TMEM107: variants seen among roughly 807,000 people sequenced by gnomAD.
The protein encoded by TMEM107 is transmembrane protein 107.
TMEM107 carries 18 observed loss-of-function variants against 16.8 expected under a neutral mutation model. The ratio of observed to expected loss-of-function variants is 1.07; its 90% CI spans 0.74 to 1.59. The LOEUF is 1.59. TMEM107 is among the 40% of genes most tolerant of loss of function. The pLI, the probability that TMEM107 is intolerant of heterozygous loss-of-function variation, is 0.00. For missense variants in TMEM107, 152 were observed against 175.4 expected (o/e 0.87, Z 0.75); for synonymous variants, 68 against 71.6 (o/e 0.95, Z 0.25).
rs913206709 is a variant in TMEM107, at chr17:8,174,451, T to C, written c.353+69A>G. 22 of 1,495,294 alleles carry C rather than the reference T, an allele frequency of 1.5e-5. No individual in the cohort carries two copies. In the African/African-American group the frequency reaches 2.6e-4, roughly 18 times the overall value. The allele number at this position is 1,495,294 out of a possible 1,614,324, so 92.6% of individuals were successfully genotyped here. A position where few individuals can be genotyped will look rare whatever the true frequency, so the allele number is the denominator to read the frequency against. On this transcript the variant is annotated intron_variant, in intron 4 of 4. Transcript: ENST00000437139. ...CTCACACATGGAGGAAAGGGCTGGG[T>C]AGGGGAAAAACCTTCAGGTTTAGGG... is the stretch of plus-strand genomic sequence containing the variant.
rs777322429 is a variant in TMEM107, at chr17:8,175,979, C to T, written c.135G>A (p.Glu45=). 5.6e-6 allele frequency: 9 copies of T among 1,614,262 alleles called. No homozygotes were observed. In the South Asian group the frequency reaches 9.9e-5, roughly 18 times the overall value. ...ACLPLTFTPE[E]YDKQDIQLVA... Reference sequence around the variant, plus strand: ...CTCACTGAATGTCCTGCTTGTCATACTCCTCGGGGGTGAACGTGAGAGGCA... The same window carrying T: ...CTCACTGAATGTCCTGCTTGTCATATTCCTCGGGGGTGAACGTGAGAGGCA... The change falls in exon 2 of 5, where the codon GAG becomes GAA. Residue 45 remains glutamate, a synonymous_variant. Transcript: ENST00000437139.
chr17:8,176,150 C>T, intron 1 of TMEM107, 50 bp downstream of exon 1: 1 of 1,603,200 alleles, frequency 6.2e-7, no homozygotes, highest in Non-Finnish European at 8.5e-7. Context: ...AGGACTAGGA[C>T]CACTCAGAGA....
Position 8,176,380 on chromosome 17 carries a change from C to G in TMEM107, c.-94G>C. On this transcript the variant is annotated 5_prime_UTR_variant, in exon 1 of 5. Transcript: ENST00000437139. Reference sequence around the variant, plus strand: ...CCGCAAGCCGACAAATCTAGACGAACGCCTCCTTCCCGCCCGCTCAGGCAC... The same window carrying G: ...CCGCAAGCCGACAAATCTAGACGAAGGCCTCCTTCCCGCCCGCTCAGGCAC... 1 of 984,822 alleles carries G rather than the reference C, an allele frequency of 1.0e-6. No homozygotes were observed. Among genetic ancestry groups the G allele is most frequent in the Middle Eastern group, 3.3e-4 (1 of 3,072 alleles). 61.0% of individuals were successfully genotyped at this position (984,822 alleles called of 1,614,324 possible).
At chr17:8,175,367 T>C (rs1451860626) in intron 3 of TMEM107, 2 of 389,730 alleles carry the variant, frequency 5.1e-6, no homozygotes, top group Non-Finnish European at 4.8e-6. Flanking sequence ...GCGCCCTGCC[T>C]GTGCTTTCTA....
Position 8,173,376 on chromosome 17 carries a change from C to A in TMEM107, c.*827G>T. ...CAAAATAGACAAACAGCAAGGTTAT[C>A]CCAGTCAGAACTTCATAGCTATGTT... On this transcript the variant is annotated 3_prime_UTR_variant, in exon 5 of 5. Coordinates refer to ENST00000437139, the MANE Select transcript of TMEM107 (RefSeq NM_183065.4). The A allele has an allele frequency of 1.5e-6, 1 of 669,704 alleles. No homozygotes were observed. Among genetic ancestry groups the A allele is most frequent in the Non-Finnish European group, 2.8e-6 (1 of 361,920 alleles). 41.5% of individuals were successfully genotyped at this position (669,704 alleles called of 1,614,324 possible).
chr17:8,173,688 G>T lies in TMEM107; in HGVS notation c.*515C>A. 1.6e-6 allele frequency: 1 copy of T among 623,590 alleles called. No individual in the cohort carries two copies. Among genetic ancestry groups the T allele is most frequent in the South Asian group, 1.9e-5 (1 of 51,912 alleles). 38.6% of individuals were successfully genotyped at this position (623,590 alleles called of 1,614,324 possible). A position where few individuals can be genotyped will look rare whatever the true frequency, so the allele number is the denominator to read the frequency against. ...GGTATGAGCAATCCTATTATTTAGC[G>T]TCCTTCCAGTTGTTTTGCCATATTA... On this transcript the variant is annotated 3_prime_UTR_variant, in exon 5 of 5. Transcript: ENST00000437139.
At position 8,172,806 on chromosome 17, in the gene TMEM107, C is replaced by T. The variant is rs1567547610; in HGVS notation, c.*1397G>A. Among the ~76,000 whole-genome samples, 1 of 147,856 alleles carries T rather than the reference C, an allele frequency of 6.8e-6. No individual in the cohort carries two copies. The highest frequency in any genetic ancestry group is 1.5e-5 in the Non-Finnish European group (1 of 67,356). On this transcript the variant is annotated 3_prime_UTR_variant, in exon 5 of 5. Coordinates refer to ENST00000437139, the MANE Select transcript of TMEM107 (RefSeq NM_183065.4). ...TTTGAGGCTGCAGTGAGCCATGATC[C>T]CACCACTGCACACTGCACTCTAGCC...
At chr17:8,174,423 T>C in intron 4 of TMEM107, 97 bp downstream of exon 4, 1 of 1,347,596 alleles carries the variant, frequency 7.4e-7, no homozygotes, top group Non-Finnish European at 1.1e-6. Flanking sequence ...GTGGATCTGG[T>C]ATCTCACACA....
Position 8,175,861 on chromosome 17 carries a change from C to T in TMEM107, c.156-4G>A, listed in dbSNP as rs201719110. 3.8e-4 allele frequency: 611 copies of T among 1,614,176 alleles called. 10 individuals carry two copies. In the East Asian group the frequency reaches 0.013, roughly 36 times the overall value. ...GACAGAGAGCGCGGCCACCAGCCTG[C>T]AGAGAGGAAGTGGACTGGCCCAGGC... On this transcript the variant is annotated splice_region_variant and splice_polypyrimidine_tract_variant and intron_variant, in intron 2 of 4. Transcript: ENST00000437139.
chr17:8,174,271 C>G lies in TMEM107; in HGVS notation c.355G>C (p.Ala119Pro). 1 of 1,613,990 alleles carries G rather than the reference C, an allele frequency of 6.2e-7. No homozygotes were observed. The highest frequency in any genetic ancestry group is 8.5e-7 in the Non-Finnish European group (1 of 1,179,838). ...GCCATTTCAGTGACAGCTGGAAGGG[C>G]ACTACCAAGGCAAGTGGTAGATTCA... ...TYWYIFVFCS[A>P]LPAVTEMALF... Residue 119 changes from alanine (A) to proline (P), a missense_variant and splice_region_variant, in exon 5 of 5, where the codon GCC (alanine) becomes CCC (proline). Physicochemically the swap from Ala to Pro is conservative, Grantham distance 27. Coordinates refer to ENST00000437139, the MANE Select transcript of TMEM107 (RefSeq NM_183065.4).
At position 8,173,562 on chromosome 17, in the gene TMEM107, C is replaced by A. The variant is rs185052658; in HGVS notation, c.*641G>T. 9.1e-6 allele frequency: 7 copies of A among 765,192 alleles called. No individual in the cohort carries two copies. The highest frequency in any genetic ancestry group is 1.7e-5 in the Admixed American group (1 of 58,984). The allele number at this position is 765,192 out of a possible 1,614,324, so 47.4% of individuals were successfully genotyped here. On this transcript the variant is annotated 3_prime_UTR_variant, in exon 5 of 5. Transcript: ENST00000437139. ...TCTAATCTGCCCTCCGGAGGAGGAA[C>A]AGGTAAGGATTATCCCACCTGACGA...
At position 8,176,320 on chromosome 17, in the gene TMEM107, C is replaced by A; in HGVS notation, c.-34G>T. The A allele has an allele frequency of 6.3e-7, 1 of 1,578,320 alleles. No homozygotes were observed. Among genetic ancestry groups the A allele is most frequent in the Non-Finnish European group, 8.7e-7 (1 of 1,152,706 alleles). ...GGGACAAGGGCGGCGGTCTCTGAGGCTGGAAGTTCAGAGACAGCGACTCCT... is the reference window on the plus strand; with the variant it reads ...GGGACAAGGGCGGCGGTCTCTGAGGATGGAAGTTCAGAGACAGCGACTCCT... On this transcript the variant is annotated 5_prime_UTR_variant, in exon 1 of 5. Coordinates refer to ENST00000437139, the MANE Select transcript of TMEM107 (RefSeq NM_183065.4).
At position 8,173,342 on chromosome 17, in the gene TMEM107, G is replaced by C. The variant is rs144936021; in HGVS notation, c.*861C>G. 1.2e-5 allele frequency: 7 copies of C among 595,344 alleles called. No homozygotes were observed. The highest frequency in any genetic ancestry group is 3.7e-5 in the African/African-American group (2 of 53,838). 36.9% of individuals were successfully genotyped at this position (595,344 alleles called of 1,614,324 possible). A position where few individuals can be genotyped will look rare whatever the true frequency, so the allele number is the denominator to read the frequency against. On this transcript the variant is annotated 3_prime_UTR_variant, in exon 5 of 5. Coordinates refer to ENST00000437139, the MANE Select transcript of TMEM107 (RefSeq NM_183065.4). ...ACTGCAAAATAGACAAACAGCAATA[G>C]CAAGACTGCAAAATAGACAAACAGC...
At chr17:8,176,058 A>C in intron 1 of TMEM107, 32 bp from the exon 2 acceptor site, 1 of 1,613,970 alleles carries the variant, frequency 6.2e-7, no homozygotes, top group African/African-American at 1.3e-5. Flanking sequence ...AGAAGTGAAA[A>C]AGGGGCAGGC....
chr17:8,173,671 C>A lies in TMEM107; in HGVS notation c.*532G>T. Reference sequence around the variant, plus strand: ...TGAGTTCATAACGCGCTGGTATGAGCAATCCTATTATTTAGCGTCCTTCCA... The same window carrying A: ...TGAGTTCATAACGCGCTGGTATGAGAAATCCTATTATTTAGCGTCCTTCCA... On this transcript the variant is annotated 3_prime_UTR_variant, in exon 5 of 5. Transcript: ENST00000437139. The A allele has an allele frequency of 1.5e-6, 1 of 675,512 alleles. No individual in the cohort carries two copies. The highest frequency in any genetic ancestry group is 2.7e-6 in the Non-Finnish European group (1 of 369,332). 41.8% of individuals were successfully genotyped at this position (675,512 alleles called of 1,614,324 possible). A position where few individuals can be genotyped will look rare whatever the true frequency, so the allele number is the denominator to read the frequency against.
rs748250067 is a variant in TMEM107, at chr17:8,173,355, A to C, written c.*848T>G. ...CAAACAGCAATAGCAAGACTGCAAA[A>C]TAGACAAACAGCAAGGTTATCCCAG... On this transcript the variant is annotated 3_prime_UTR_variant, in exon 5 of 5. Transcript: ENST00000437139. 1.6e-5 allele frequency: 10 copies of C among 613,756 alleles called. No individual in the cohort carries two copies. In the South Asian group the frequency reaches 1.8e-4, roughly 11 times the overall value. The allele number at this position is 613,756 out of a possible 1,614,324, so 38.0% of individuals were successfully genotyped here. A position where few individuals can be genotyped will look rare whatever the true frequency, so the allele number is the denominator to read the frequency against.
rs190182110 is a variant in TMEM107 at position 8,173,472 on chromosome 17, G to T, written c.*731C>A. The T allele has an allele frequency of 3.9e-6, 3 of 764,520 alleles. No homozygotes were observed. The highest frequency in any genetic ancestry group is 2.7e-5 in the South Asian group (2 of 74,546). 47.4% of individuals were successfully genotyped at this position (764,520 alleles called of 1,614,324 possible). A position where few individuals can be genotyped will look rare whatever the true frequency, so the allele number is the denominator to read the frequency against. On this transcript the variant is annotated 3_prime_UTR_variant, in exon 5 of 5. Transcript: ENST00000437139. Reference sequence around the variant, plus strand: ...AGAAAGAATCAGACAGGAGCAATCAGGGTGTTGCAAGTCCTGATTACGCAG... The same window carrying T: ...AGAAAGAATCAGACAGGAGCAATCATGGTGTTGCAAGTCCTGATTACGCAG...
Position 8,175,966 on chromosome 17 carries a change from C to T in TMEM107, c.148G>A (p.Asp50Asn). ...TFTPEEYDKQ[D>N]IQLVAALSVT... ...CCCGTCCCAAGAGCTCACTGAATGT[C>T]CTGCTTGTCATACTCCTCGGGGGTG... is the stretch of plus-strand genomic sequence containing the variant. Residue 50 changes from aspartate to asparagine, a missense_variant, in exon 2 of 5, where the codon GAC becomes AAC. Transcript: ENST00000437139. 3 of 1,614,260 alleles carry T rather than the reference C, an allele frequency of 1.9e-6. No homozygotes were observed. The highest frequency in any genetic ancestry group is 2.5e-6 in the Non-Finnish European group (3 of 1,180,054).
In TMEM107 at chr17:8,174,031, C is replaced by T. The variant is rs1376193917; in HGVS notation, c.*172G>A. The T allele has an allele frequency of 1.6e-6, 1 of 624,770 alleles. No homozygotes were observed. The highest frequency in any genetic ancestry group is 2.9e-6 in the Non-Finnish European group (1 of 346,302). 38.7% of individuals were successfully genotyped at this position (624,770 alleles called of 1,614,324 possible). On this transcript the variant is annotated 3_prime_UTR_variant, in exon 5 of 5. Coordinates refer to ENST00000437139, the MANE Select transcript of TMEM107 (RefSeq NM_183065.4). ...ACAAAACATATTTTATTACAAAGCA[C>T]TAAATACAATGCGGATAATCCCAGA... is the stretch of plus-strand genomic sequence containing the variant.
Sources: allele counts gnomAD v4.1 joint callset (sites outside exome capture counted in the v4.1 genomes callset), GRCh38; gene constraint gnomAD v4.1.1; transcripts MANE v1.5; gene names NCBI Gene and HGNC (gene_info 2026-07-23, HGNC 2026-07-21).